The following VPS13C variants were observed in gnomAD, a reference collection of about 807,000 sequenced individuals.
VPS13C encodes the protein vacuolar protein sorting 13 homolog C, also known as intermembrane lipid transfer protein VPS13C.
VPS13C carries 358 observed loss-of-function variants against 456.8 expected under a neutral mutation model. That is an observed-to-expected ratio of 0.78 (90% CI 0.72 to 0.86). VPS13C has a LOEUF of 0.86. Among genes scored for constraint, VPS13C ranks in the 40% least tolerant of loss-of-function variants. VPS13C has a pLI of 0.00. For missense variants in VPS13C, 4,818 were observed against 4,385.4 expected (o/e 1.10, Z -2.79); for synonymous variants, 1,578 against 1,486.7 (o/e 1.06, Z -1.41).
At chr15:61,860,584 A>C (rs574234843) in intron 82 of VPS13C, among the ~76,000 whole-genome samples, 1 of 152,358 alleles carries the variant, frequency 6.6e-6, no homozygotes, top group African/African-American at 2.4e-5. Context: ...GTATTTTAAT[A>C]AATTATAGCA....
At chr15:61,930,178 C>T (rs1191438555) in intron 50 of VPS13C, among the ~76,000 whole-genome samples, 3 of 152,182 alleles carry the variant, frequency 2.0e-5, no homozygotes, top group African/African-American at 4.8e-5. Flanking sequence ...CTTCAAAGAT[C>T]ATCCTACGAA....
chr15:61,891,487 G>C lies in VPS13C; in HGVS notation c.9106-1087C>G, dbSNP rs547686863. 7.2e-5 allele frequency among the ~76,000 whole-genome samples: 11 copies of C among 152,208 alleles called. No homozygotes were observed. In the East Asian group the frequency reaches 1.7e-3, roughly 24 times the overall value. On this transcript the variant is annotated intron_variant, in intron 66 of 84. Coordinates refer to ENST00000644861, the MANE Select transcript of VPS13C (RefSeq NM_020821.3). ...AATTTTCAAACATACCTATTAAGAA[G>C]GTGAATTCTGTATCTGTAAACTACA...
At chr15:61,859,743 C>A (rs140185194) in intron 82 of VPS13C, among the ~76,000 whole-genome samples, 24 of 152,216 alleles carry the variant, frequency 1.6e-4, no homozygotes, top group Non-Finnish European at 2.8e-4. Context: ...ACGGTGATAT[C>A]ATTGATAATT....
rs996473927 is a variant in VPS13C at position 62,000,887 on chromosome 15, T to C, written c.1291-261A>G. 3.3e-5 allele frequency among the ~76,000 whole-genome samples: 5 copies of C among 152,300 alleles called. No individual in the cohort carries two copies. The East Asian group carries it at 5.8e-4, about 18-fold the overall frequency. On this transcript the variant is annotated intron_variant, in intron 15 of 84. Transcript: ENST00000644861. ...CTGTGAGACCATTATAATTAACACA[T>C]AGACATAAATGCACATGAAAACAAG... is the stretch of plus-strand genomic sequence containing the variant.
At chr15:61,966,725 C>G (rs1327267883) in intron 29 of VPS13C, among the ~76,000 whole-genome samples, 1 of 151,906 alleles carries the variant, frequency 6.6e-6, no homozygotes, top group East Asian at 1.9e-4. Flanking sequence ...ATGCTTTGTG[C>G]TTTTCTTTAT....
At chr15:62,037,258 T>TAA (rs2048049618) in intron 3 of VPS13C, among the ~76,000 whole-genome samples, 1 of 25,660 alleles carries the variant, frequency 3.9e-5, no homozygotes, top group African/African-American at 1.7e-4. Context: ...TATATTTATA[T>TAA]ATATTATATT....
intron 9 of VPS13C, among the ~76,000 whole-genome samples, chr15:62,015,692 C>G (rs1215619824): frequency 7.5e-6 from 1 of 133,734 alleles, no homozygotes. Flanking sequence ...AACCAAACAC[C>G]GCATATTCTC....
intron 3 of VPS13C, among the ~76,000 whole-genome samples, chr15:62,039,063 A>G (rs542452522): frequency 6.6e-6 from 1 of 152,204 alleles, no homozygotes; most frequent in East Asian, 1.9e-4. Context: ...AGAACTAAAA[A>G]TAAAAACAGC....
At chr15:62,022,304 A>G (rs772351496) in intron 8 of VPS13C, among the ~76,000 whole-genome samples, 1 of 151,886 alleles carries the variant, frequency 6.6e-6, no homozygotes, top group Non-Finnish European at 1.5e-5. Context: ...GGATTGCTAG[A>G]TCATACAGTA....
In VPS13C at chr15:61,863,523, A is replaced by G; in HGVS notation, c.10869T>C (p.His3623=). 1 of 1,612,244 alleles carries G rather than the reference A, an allele frequency of 6.2e-7. No homozygotes were observed. Among genetic ancestry groups the G allele is most frequent in the Non-Finnish European group, 8.5e-7 (1 of 1,178,676 alleles). Residue 3623 remains histidine (H), a synonymous_variant, in exon 82 of 85, where the codon CAT becomes CAC. Transcript: ENST00000644861. ...ESEGSDLLEN[H]IKKLEGETYR... ...AAGTCTCTCCTTCCAACTTTTTGAT[A>G]TGATTCTGAAAAGGAAACCAGGCTC...
intron 1 of VPS13C, among the ~76,000 whole-genome samples, chr15:62,046,136 C>A (rs2048394256): frequency 6.6e-6 from 1 of 152,006 alleles, no homozygotes; most frequent in South Asian, 2.1e-4. Context: ...AAAGAAACTT[C>A]ACAAATGGTA....
At chr15:61,976,069 C>T (rs756764509) in intron 24 of VPS13C, among the ~76,000 whole-genome samples, 6 of 151,920 alleles carry the variant, frequency 3.9e-5, no homozygotes, top group African/African-American at 7.2e-5. Flanking sequence ...GTGCAAGAAA[C>T]GAAGCTTGTG....
intron 15 of VPS13C, among the ~76,000 whole-genome samples, chr15:62,006,737 C>T (rs1276662570): frequency 1.3e-5 from 2 of 152,116 alleles, no homozygotes; most frequent in Admixed American, 6.6e-5. Context: ...TAAAAGTGTT[C>T]CTATTTCTCC....
At position 62,010,456 on chromosome 15, in the gene VPS13C, T is replaced by C. The variant is rs749576824; in HGVS notation, c.1011+16A>G. On this transcript the variant is annotated intron_variant, in intron 13 of 84. Coordinates refer to ENST00000644861, the MANE Select transcript of VPS13C (RefSeq NM_020821.3). The stretch of plus-strand genomic sequence containing the variant: ...TCAAGGCTAATCAAAGCTGGAAATA[T>C]CCACATGAATCATACCTGAGGTTTG... 2.1e-5 allele frequency: 33 copies of C among 1,572,240 alleles called. No individual in the cohort carries two copies. Among genetic ancestry groups the C allele is most frequent in the Non-Finnish European group, 2.2e-5 (26 of 1,160,672 alleles).
chr15:62,039,015 G>A (rs1319524091), intron 3 of VPS13C, among the ~76,000 whole-genome samples: 5 of 152,128 alleles, frequency 3.3e-5, no homozygotes, highest in African/African-American at 1.2e-4. Flanking sequence ...ATGTAGACTG[G>A]TTTAACCTCT....
At chr15:61,924,460 C>T (rs2043776140) in intron 53 of VPS13C, among the ~76,000 whole-genome samples, 1 of 152,160 alleles carries the variant, frequency 6.6e-6, no homozygotes. Context: ...GCTACATATC[C>T]CCAATGCCTT....
chr15:61,855,393 T>C (rs935165956), intron 83 of VPS13C, among the ~76,000 whole-genome samples: 2 of 152,186 alleles, frequency 1.3e-5, no homozygotes, highest in South Asian at 4.1e-4. Context: ...CACAGTGACA[T>C]AGTCTTTCCT....
intron 1 of VPS13C, among the ~76,000 whole-genome samples, chr15:62,045,354 C>G (rs1463232216): frequency 6.6e-6 from 1 of 151,928 alleles, no homozygotes; most frequent in East Asian, 1.9e-4. Context: ...CCAATAGAAG[C>G]GTACACAAGA....
rs181179026 is a variant in VPS13C at position 61,981,487 on chromosome 15, G to A, written c.2030-9C>T. On this transcript the variant is annotated splice_polypyrimidine_tract_variant and intron_variant, in intron 21 of 84. Coordinates refer to ENST00000644861, the MANE Select transcript of VPS13C (RefSeq NM_020821.3). ...AATAATATGTGTAAGTCCTAAAGAC[G>A]TAAGAAATAATGACAGATTAGATGG... 4.8e-4 allele frequency: 761 copies of A among 1,573,786 alleles called. 1 individual carries two copies. In the African/African-American group the frequency reaches 8.9e-3, roughly 18 times the overall value.
Sources: gnomAD v4.1 joint callset for allele counts (sites outside exome capture counted in the v4.1 genomes callset) on GRCh38, gnomAD v4.1.1 for gene constraint, MANE v1.5 for transcripts, NCBI Gene and HGNC (gene_info 2026-07-23, HGNC 2026-07-21) for gene names.